Variants in AGAP1 observed in about 807,000 individuals in gnomAD.
The protein encoded by AGAP1 is ArfGAP with GTPase domain, ankyrin repeat and PH domain 1, also known as arf-GAP with GTPase, ANK repeat and PH domain-containing protein 1.
AGAP1 carries 29 observed loss-of-function variants against 105.3 expected under a neutral mutation model. That is an observed-to-expected ratio of 0.28 (90% CI 0.21 to 0.38). AGAP1 has a LOEUF of 0.38. Ranked by LOEUF, AGAP1 falls within the 10% of genes least tolerant of loss-of-function variation. The pLI is 1.00. For synonymous variants in AGAP1, 509 were observed against 485.9 expected (o/e 1.05, Z -0.63); for missense variants, 998 against 1,165.1 (o/e 0.86, Z 2.09).
At chr2:235,790,590 ATTGCCTTAAGGACAACTTCACAC>A (rs1187877788) in intron 6 of AGAP1, among the ~76,000 whole-genome samples, 1 of 152,024 alleles carries the variant, frequency 6.6e-6, no homozygotes, top group African/African-American at 2.4e-5. Flanking sequence ...ATAACCCCCC[ATTGCCTTAAGGACAACTTCACAC>A]TTGCCACTCT....
chr2:236,030,348 T>C (rs1323969130), intron 13 of AGAP1, among the ~76,000 whole-genome samples: 1 of 152,200 alleles, frequency 6.6e-6, no homozygotes, highest in Non-Finnish European at 1.5e-5. Context: ...AAATCTGCTG[T>C]CTTGTTTGCA....
At chr2:235,670,934 C>G in intron 1 of AGAP1, 2 of 1,322,566 alleles carry the variant, frequency 1.5e-6, no homozygotes, top group Non-Finnish European at 9.6e-7. Flanking sequence ...GGACGGGGGC[C>G]CGGGCGGCGG....
intron 12 of AGAP1, among the ~76,000 whole-genome samples, chr2:235,943,249 G>C (rs1281193569): frequency 6.6e-6 from 1 of 152,000 alleles, no homozygotes; most frequent in Admixed American, 6.6e-5. Flanking sequence ...TGCCTCCCTG[G>C]TGACTTTGTC....
At chr2:236,097,473 A>G (rs946713935) in intron 16 of AGAP1, among the ~76,000 whole-genome samples, 1 of 133,174 alleles carries the variant, frequency 7.5e-6, no homozygotes, top group Non-Finnish European at 1.5e-5. Context: ...GCTCACTGCA[A>G]CCTTTGCCTC....
rs999003283 is a variant in AGAP1 at position 235,777,993 on chromosome 2, G to C, written c.674-19766G>C. 6.6e-5 allele frequency among the ~76,000 whole-genome samples: 10 copies of C among 152,122 alleles called. No individual in the cohort carries two copies. The highest frequency in any genetic ancestry group is 2.2e-4 in the African/African-American group (9 of 41,436). On this transcript the variant is annotated intron_variant, in intron 6 of 17. Coordinates refer to ENST00000304032, the MANE Select transcript of AGAP1 (RefSeq NM_001037131.3). This position sits in a 1 kb window ranked among gnomAD's most constrained non-coding sequence, Gnocchi z 5.1. ...CCCGCTGCCCTCACCCTCTGCCTCA[G>C]ACCTGGGCGATCTCATATCTGTGTG... is the stretch of plus-strand genomic sequence containing the variant.
In AGAP1 at chr2:235,930,680, A is replaced by G. The variant is rs1002106073; in HGVS notation, c.1325-85A>G. On this transcript the variant is annotated intron_variant, in intron 11 of 17. Transcript: ENST00000304032. The surrounding 1 kb of genome is among the most constrained non-coding windows in gnomAD (Gnocchi z 7.9). ...TCGGTGGTAAGGTGCACTATGTGCC[A>G]GCGTGTGGGTCCCATAGACTAACTC... The G allele has an allele frequency of 2.9e-6, 4 of 1,401,848 alleles. No individual in the cohort carries two copies. The highest frequency in any genetic ancestry group is 3.9e-6 in the Non-Finnish European group (4 of 1,028,742). The allele number at this position is 1,401,848 out of a possible 1,614,324, so 86.8% of individuals were successfully genotyped here. A position where few individuals can be genotyped will look rare whatever the true frequency, so the allele number is the denominator to read the frequency against.
chr2:235,718,766 C>G (rs898955901), intron 3 of AGAP1, among the ~76,000 whole-genome samples: 1 of 152,136 alleles, frequency 6.6e-6, no homozygotes, highest in Admixed American at 6.5e-5. Context: ...AAATGATGAT[C>G]TAGGAAGATT....
chr2:235,550,519 C>T lies in AGAP1; in HGVS notation c.163+55670C>T, dbSNP rs1184888229. On this transcript the variant is annotated intron_variant, in intron 1 of 17. Coordinates refer to ENST00000304032, the MANE Select transcript of AGAP1 (RefSeq NM_001037131.3). This position sits in a 1 kb window ranked among gnomAD's most constrained non-coding sequence, Gnocchi z 4.6. ...CCCAGAGTGTGCTAGAATGCCAGTT[C>T]TTGGGCCCCACCCCACACCTGCGAC... 6.6e-6 allele frequency among the ~76,000 whole-genome samples: 1 copy of T among 152,194 alleles called. No individual in the cohort carries two copies. Among genetic ancestry groups the T allele is most frequent in the African/African-American group, 2.4e-5 (1 of 41,452 alleles).
At chr2:236,094,832 C>A (rs2059152384) in intron 16 of AGAP1, among the ~76,000 whole-genome samples, 3 of 150,060 alleles carry the variant, frequency 2.0e-5, no homozygotes, top group South Asian at 4.2e-4. Flanking sequence ...TGCCTGTAAT[C>A]CTAAAACTTT....
At chr2:235,947,130 G>A (rs764220172) in intron 12 of AGAP1, among the ~76,000 whole-genome samples, 1 of 152,070 alleles carries the variant, frequency 6.6e-6, no homozygotes, top group Non-Finnish European at 1.5e-5. Context: ...TGGTTACATG[G>A]ATCAGTTCTT....
At position 236,085,203 on chromosome 2, in the gene AGAP1, G is replaced by A. The variant is rs1002565565; in HGVS notation, c.2115-34989G>A. On this transcript the variant is annotated intron_variant, in intron 16 of 17. Transcript: ENST00000304032. ...TGCACTCCAGCCTGGGCGACAGAAC[G>A]AGACTCCGTCTCAAAAAAAAAAAAA... Among the ~76,000 whole-genome samples, 5 of 124,234 alleles carry A rather than the reference G, an allele frequency of 4.0e-5. No homozygotes were observed. The Admixed American group carries it at 5.0e-4, about 13-fold the overall frequency. The allele number at this position is 124,234 out of a possible 152,430, so 81.5% of individuals were successfully genotyped here.
intron 1 of AGAP1, among the ~76,000 whole-genome samples, chr2:235,673,428 G>A (rs577651672): frequency 6.6e-6 from 1 of 152,308 alleles, no homozygotes; most frequent in African/African-American, 2.4e-5. Context: ...GTAGGACTCG[G>A]AAATTTTGGA....
In AGAP1 at chr2:235,614,868, AG is replaced by A. The variant is rs1191691403; in HGVS notation, c.164-94310del. Among the ~76,000 whole-genome samples the A allele has an allele frequency of 6.6e-6, 1 of 152,142 alleles. No individual in the cohort carries two copies. Among genetic ancestry groups the A allele is most frequent in the Non-Finnish European group, 1.5e-5 (1 of 68,036 alleles). ...GGCTATTAAATTAATGGTTTAGCTGAGATGTTTTCTCTACTCAGGGCCCAAT... is the reference window on the plus strand; with the variant it reads ...GGCTATTAAATTAATGGTTTAGCTGAATGTTTTCTCTACTCAGGGCCCAAT... On this transcript the variant is annotated intron_variant, in intron 1 of 17. Coordinates refer to ENST00000304032, the MANE Select transcript of AGAP1 (RefSeq NM_001037131.3). The surrounding 1 kb of genome is among the most constrained non-coding windows in gnomAD (Gnocchi z 4.7).
At chr2:235,902,324 T>G (rs150771949) in intron 10 of AGAP1, among the ~76,000 whole-genome samples, 1 of 152,354 alleles carries the variant, frequency 6.6e-6, no homozygotes, top group East Asian at 1.9e-4. Flanking sequence ...TAAAGCTTAG[T>G]AATGCAATGT....
At position 236,080,463 on chromosome 2, in the gene AGAP1, A is replaced by C. The variant is rs1038705903; in HGVS notation, c.2114+31182A>C. Among the ~76,000 whole-genome samples, 1 of 152,166 alleles carries C rather than the reference A, an allele frequency of 6.6e-6. No individual in the cohort carries two copies. The highest frequency in any genetic ancestry group is 2.4e-5 in the African/African-American group (1 of 41,430). On this transcript the variant is annotated intron_variant, in intron 16 of 17. Transcript: ENST00000304032. This position sits in a 1 kb window ranked among gnomAD's most constrained non-coding sequence, Gnocchi z 4.2. The stretch of plus-strand genomic sequence containing the variant: ...TTCCCAGGCCAAGGGAAGAGTTGTT[A>C]CGGAGACTCTATGGCCAAGAGGGAC...
In AGAP1 at chr2:235,741,535, C is replaced by T. The variant is rs1245998842; in HGVS notation, c.396+487C>T. Among the ~76,000 whole-genome samples the T allele has an allele frequency of 3.9e-5, 6 of 152,318 alleles. No homozygotes were observed. Among genetic ancestry groups the T allele is most frequent in the African/African-American group, 1.4e-4 (6 of 41,576 alleles). On this transcript the variant is annotated intron_variant, in intron 4 of 17. Transcript: ENST00000304032. The surrounding 1 kb of genome is among the most constrained non-coding windows in gnomAD (Gnocchi z 4.9). ...CTTGGCCCAAGCAAGGCAGTCTCCA[C>T]CGAAAGCCGGTATGAAGCATATTAT...
chr2:235,542,447 A>G (rs1943477699), intron 1 of AGAP1, among the ~76,000 whole-genome samples: 1 of 152,220 alleles, frequency 6.6e-6, no homozygotes, highest in Non-Finnish European at 1.5e-5. Context: ...AAAAGAGCTC[A>G]TCAACTCCCA....
At chr2:236,015,161 C>T (rs2056653476) in intron 13 of AGAP1, among the ~76,000 whole-genome samples, 1 of 152,154 alleles carries the variant, frequency 6.6e-6, no homozygotes, top group African/African-American at 2.4e-5. Flanking sequence ...ATTTTCTCCT[C>T]TTTTTTCTTT....
intron 13 of AGAP1, among the ~76,000 whole-genome samples, chr2:236,013,564 C>T (rs2056592338): frequency 7.0e-6 from 1 of 143,542 alleles, no homozygotes; most frequent in Non-Finnish European, 1.5e-5. Flanking sequence ...GGCTTAAGAC[C>T]TGCCTCTGGA....
Sources: gnomAD v4.1 joint callset for allele counts (sites outside exome capture counted in the v4.1 genomes callset) on GRCh38, gnomAD v4.1.1 for gene constraint, Gnocchi (gnomAD v3.1) non-coding constraint, MANE v1.5 for transcripts, NCBI Gene and HGNC (gene_info 2026-07-23, HGNC 2026-07-21) for gene names.